Variants in PCDHGB1 observed in about 807,000 individuals in gnomAD.
PCDHGB1 encodes protocadherin gamma-B1.
A neutral mutation model predicts 56.6 loss-of-function variants in PCDHGB1; 34 were observed. The observed-to-expected ratio is 0.60, with a 90% CI of 0.46 to 0.80. The LOEUF (loss-of-function observed/expected upper bound fraction) is 0.80. PCDHGB1 is among the 30% of genes least tolerant of loss of function. The probability of loss-of-function intolerance (pLI) is 0.00; values close to 1 mark genes in which losing one functional copy is unlikely to be tolerated. For missense variants in PCDHGB1, 1,278 were observed against 1,204.6 expected (o/e 1.06, Z -0.90); for synonymous variants, 561 against 505.9 (o/e 1.11, Z -1.46).
At chr5:141,460,465 AAAGG>A (rs2098989932) in intron 1 of PCDHGB1, among the ~76,000 whole-genome samples, 1 of 152,088 alleles carries the variant, frequency 6.6e-6, no homozygotes, top group Non-Finnish European at 1.5e-5. Context: ...ATTTTTTTCC[AAAGG>A]AATATCCAAT....
Position 141,421,259 on chromosome 5 carries a change from G to C in PCDHGB1, c.2409+68590G>C. The C allele has an allele frequency of 6.2e-7, 1 of 1,609,254 alleles. No individual in the cohort carries two copies. The highest frequency in any genetic ancestry group is 8.5e-7 in the Non-Finnish European group (1 of 1,178,538). The stretch of plus-strand genomic sequence containing the variant: ...AATCGGCTACAGCGCGGGGACCGCA[G>C]TCGGCTGCTGCTGCTGCTGTGCATT... On this transcript the variant is annotated intron_variant, in intron 1 of 3. Transcript: ENST00000523390.
Position 141,490,909 on chromosome 5 carries a change from G to C in PCDHGB1, c.2410-3898G>C. ...ATCTCTGCATGTGTTTGTCCTAGAC[G>C]AGAATGATAATGCCCCAGCTGTGCT... On this transcript the variant is annotated intron_variant, in intron 1 of 3. Coordinates refer to ENST00000523390, the MANE Select transcript of PCDHGB1 (RefSeq NM_018922.3). This position sits in a 1 kb window ranked among gnomAD's most constrained non-coding sequence, Gnocchi z 5.4. 1 of 1,613,744 alleles carries C rather than the reference G, an allele frequency of 6.2e-7. No individual in the cohort carries two copies. The highest frequency in any genetic ancestry group is 2.2e-5 in the East Asian group (1 of 44,870).
At chr5:141,368,160 C>T (rs1017595982) in intron 1 of PCDHGB1, among the ~76,000 whole-genome samples, 1 of 152,084 alleles carries the variant, frequency 6.6e-6, no homozygotes, top group Non-Finnish European at 1.5e-5. Context: ...AAACCTTGAG[C>T]ATCAGCTTCA....
chr5:141,365,091 A>C (rs1251688071), intron 1 of PCDHGB1: 1 of 1,613,870 alleles, frequency 6.2e-7, no homozygotes, highest in Admixed American at 1.7e-5. Context: ...GTTCCAGAGA[A>C]CATACCTGTG....
intron 1 of PCDHGB1, chr5:141,390,211 A>C (rs2092083901): frequency 6.2e-7 from 1 of 1,613,936 alleles, no homozygotes. Context: ...TCAGGACAAG[A>C]CATACTTTGC....
chr5:141,462,408 A>G (rs1240372917), intron 1 of PCDHGB1, among the ~76,000 whole-genome samples: 2 of 152,188 alleles, frequency 1.3e-5, no homozygotes, highest in Non-Finnish European at 2.9e-5. Context: ...ATGGCACAGA[A>G]TATGGTCTAT....
chr5:141,375,055 G>A, intron 1 of PCDHGB1: 1 of 1,614,042 alleles, frequency 6.2e-7, no homozygotes, highest in South Asian at 1.1e-5. Context: ...CCCGGGATGG[G>A]CCAGGTCTTC....
At position 141,505,406 on chromosome 5, in the gene PCDHGB1, G is replaced by A. The variant is rs546453598; in HGVS notation, c.2482G>A (p.Asp828Asn). 61 of 1,614,174 alleles carry A rather than the reference G, an allele frequency of 3.8e-5. No individual in the cohort carries two copies. The highest frequency in any genetic ancestry group is 1.1e-4 in the East Asian group (5 of 44,866). ...RPGTSGSQNG[D>N]DTGTWPNNQF... Reference sequence around the variant, plus strand: ...CTCTCTCCCCAGCTCCCAAAATGGCGATGACACCGGCACCTGGCCCAACAA... The same window carrying A: ...CTCTCTCCCCAGCTCCCAAAATGGCAATGACACCGGCACCTGGCCCAACAA... Residue 828 changes from aspartate to asparagine, a missense_variant, in exon 3 of 4, where the codon GAT (aspartate) becomes AAT (asparagine). Transcript: ENST00000523390.
rs757269142 is a variant in PCDHGB1, at chr5:141,351,775, G to C, written c.1515G>C (p.Pro505=). 8 of 1,613,356 alleles carry C rather than the reference G, an allele frequency of 5.0e-6. No homozygotes were observed. The highest frequency in any genetic ancestry group is 6.8e-6 in the Non-Finnish European group (8 of 1,179,918). ...TGTTGTCCTACGTGTCCGTGAGCCCGCAGAGCGGGGTGGTGTTCGCGCAGC... is the reference window on the plus strand; with the variant it reads ...TGTTGTCCTACGTGTCCGTGAGCCCCCAGAGCGGGGTGGTGTTCGCGCAGC... ...RELLSYVSVS[P]QSGVVFAQRA... The change falls in exon 1 of 4, where the codon CCG becomes CCC. Residue 505 remains proline (P), a synonymous_variant. Coordinates refer to ENST00000523390, the MANE Select transcript of PCDHGB1 (RefSeq NM_018922.3).
chr5:141,366,397 C>G, intron 1 of PCDHGB1: 2 of 1,614,182 alleles, frequency 1.2e-6, no homozygotes, highest in African/African-American at 1.3e-5. Flanking sequence ...ATCTGGACCT[C>G]ACACTCTATC....
At chr5:141,401,255 T>C (rs56773894) in intron 1 of PCDHGB1, among the ~76,000 whole-genome samples, 18,026 of 152,078 alleles carry the variant, frequency 0.12, 1,226 homozygotes, top group African/African-American at 0.18. Flanking sequence ...GACAGGAGAA[T>C]TGCTTGAACC....
At position 141,389,005 on chromosome 5, in the gene PCDHGB1, C is replaced by T. The variant is rs757594459; in HGVS notation, c.2409+36336C>T. 81 of 1,613,780 alleles carry T rather than the reference C, an allele frequency of 5.0e-5. No individual in the cohort carries two copies. Among genetic ancestry groups the T allele is most frequent in the Non-Finnish European group, 6.7e-5 (79 of 1,179,858 alleles). On this transcript the variant is annotated intron_variant, in intron 1 of 3. Transcript: ENST00000523390. The stretch of plus-strand genomic sequence containing the variant: ...TTGCTCAAAGTCCGTGACAAGGATT[C>T]CAGACACAATGGAGAAGTGACTTGT...
chr5:141,387,122 A>G (rs960154825), intron 1 of PCDHGB1, among the ~76,000 whole-genome samples: 24 of 152,234 alleles, frequency 1.6e-4, no homozygotes, highest in African/African-American at 5.5e-4. Flanking sequence ...CTGTAATGAA[A>G]TCACTGAAAC....
chr5:141,374,993 T>G (rs1439480761), intron 1 of PCDHGB1: 1 of 1,613,938 alleles, frequency 6.2e-7, no homozygotes, highest in Non-Finnish European at 8.5e-7. Flanking sequence ...AATTTCAACT[T>G]CTGCAAATCT....
In PCDHGB1 at chr5:141,375,076, G is replaced by A. The variant is rs1338311528; in HGVS notation, c.2409+22407G>A. 6 of 1,613,892 alleles carry A rather than the reference G, an allele frequency of 3.7e-6. No homozygotes were observed. In the African/African-American group the frequency reaches 5.3e-5, roughly 14 times the overall value. On this transcript the variant is annotated intron_variant, in intron 1 of 3. Coordinates refer to ENST00000523390, the MANE Select transcript of PCDHGB1 (RefSeq NM_018922.3). Reference sequence around the variant, plus strand: ...ATGGGCCAGGTCTTCGAGACAGAGCGAAAGTCTTAATAACTATCTTGGATG... The same window carrying A: ...ATGGGCCAGGTCTTCGAGACAGAGCAAAAGTCTTAATAACTATCTTGGATG...
chr5:141,366,765 T>G (rs373961637), intron 1 of PCDHGB1: 1 of 1,604,708 alleles, frequency 6.2e-7, no homozygotes, highest in East Asian at 2.2e-5. Flanking sequence ...AGTTTTCTCT[T>G]TCGGTAAGGA....
chr5:141,504,228 C>T lies in PCDHGB1; in HGVS notation c.2469-1165C>T, dbSNP rs114896014. Among the ~76,000 whole-genome samples, 193 of 152,312 alleles carry T rather than the reference C, an allele frequency of 1.3e-3. 1 individual carries two copies. The highest frequency in any genetic ancestry group is 2.1e-3 in the Admixed American group (32 of 15,304). ...AAAATTCCAAGTAGAGCTGAACCTT[C>T]TAAGAAGCAGAGAGTTCTTCTTATG... On this transcript the variant is annotated intron_variant, in intron 2 of 3. Coordinates refer to ENST00000523390, the MANE Select transcript of PCDHGB1 (RefSeq NM_018922.3).
At chr5:141,397,254 A>G (rs961705126) in intron 1 of PCDHGB1, among the ~76,000 whole-genome samples, 12 of 152,184 alleles carry the variant, frequency 7.9e-5, no homozygotes, top group Non-Finnish European at 1.3e-4. Flanking sequence ...AGGGTATATC[A>G]TTTCTTAGCT....
intron 1 of PCDHGB1, chr5:141,430,625 G>T: frequency 1.3e-6 from 1 of 788,104 alleles, no homozygotes; most frequent in Non-Finnish European, 1.9e-6. Context: ...AGCTAGGAAT[G>T]AACCATCCCT....
Sources: allele counts gnomAD v4.1 joint callset (sites outside exome capture counted in the v4.1 genomes callset), GRCh38; gene constraint gnomAD v4.1.1; non-coding constraint Gnocchi (gnomAD v3.1); transcripts MANE v1.5; gene names NCBI Gene and HGNC (gene_info 2026-07-23, HGNC 2026-07-21).